LRRC37A2: variants seen among roughly 807,000 people sequenced by gnomAD.
LRRC37A2 encodes leucine rich repeat containing 37 member A2.
A neutral mutation model predicts 68.8 loss-of-function variants in LRRC37A2; 9 were observed. The observed-to-expected ratio is 0.13, with a 90% CI of 0.08 to 0.23. LRRC37A2 has a LOEUF of 0.23. Ranked by LOEUF, LRRC37A2 falls within the 10% of genes least tolerant of loss-of-function variation. The pLI is 1.00. For missense variants in LRRC37A2, 168 were observed against 950.4 expected, an observed-to-expected ratio of 0.18 and a Z score of 10.82; for synonymous variants, 63 against 367.6, an observed-to-expected ratio of 0.17 and a Z score of 9.48.
chr17:46,500,660 C>A, the LRRC37A2 span, among the ~76,000 whole-genome samples: 2 of 151,146 alleles, frequency 1.3e-5, no homozygotes, highest in Non-Finnish European at 1.5e-5. Context: ...GTGATAATAG[C>A]AAATCCCTTG....
At chr17:46,756,607 TTAAAG>T in the LRRC37A2 span, 2 of 152,768 alleles carry the variant, frequency 1.3e-5, no homozygotes, top group African/African-American at 4.8e-5. Context: ...AAAGGAGTTA[TTAAAG>T]TAATTTACAA....
chr17:46,936,861 A>G, the LRRC37A2 span: 1 of 981,016 alleles, frequency 1.0e-6, no homozygotes, highest in Non-Finnish European at 1.2e-6. Flanking sequence ...GAGGCTTCTT[A>G]ATTGCTTTCT....
At chr17:46,763,847 C>CAAAA in the LRRC37A2 span, 1 of 112,354 alleles carries the variant, frequency 8.9e-6, no homozygotes, top group African/African-American at 3.3e-5. Context: ...AAAAAAAAAA[C>CAAAA]AAAAAAACAA....
the LRRC37A2 span, among the ~76,000 whole-genome samples, chr17:46,836,173 C>G: frequency 6.7e-6 from 1 of 148,610 alleles, no homozygotes; most frequent in Non-Finnish European, 1.5e-5. Flanking sequence ...AATAACACCT[C>G]ACCACAGATC....
the LRRC37A2 span, among the ~76,000 whole-genome samples, chr17:46,747,939 C>T: frequency 6.6e-6 from 1 of 152,000 alleles, no homozygotes; most frequent in Non-Finnish European, 1.5e-5. Flanking sequence ...AAAGAACCAT[C>T]TTAGGATATG....
At chr17:47,041,452 CTTTTT>C in the LRRC37A2 span, among the ~76,000 whole-genome samples, 110 of 36,452 alleles carry the variant, frequency 3.0e-3, no homozygotes, top group South Asian at 0.03. Flanking sequence ...TTGGATGTCT[CTTTTT>C]TTTTTTTTTT....
chr17:46,602,569 C>T, the LRRC37A2 span: 1 of 51,394 alleles, frequency 1.9e-5, no homozygotes, highest in East Asian at 5.1e-4. Context: ...TTTTTAAAAT[C>T]ACCACATAAT....
chr17:46,883,173 G>A, the LRRC37A2 span, among the ~76,000 whole-genome samples: 44,803 of 151,584 alleles, frequency 0.3, 6,651 homozygotes, highest in Middle Eastern at 0.33. Context: ...TAGTAGAGAC[G>A]GGGTTTCACC....
the LRRC37A2 span, among the ~76,000 whole-genome samples, chr17:46,889,237 G>A: frequency 6.6e-6 from 1 of 152,120 alleles, no homozygotes; most frequent in South Asian, 2.1e-4. Context: ...GCAGGATGGG[G>A]AGGCAATGAA....
the LRRC37A2 span, chr17:46,722,176 C>T: frequency 6.2e-7 from 1 of 1,610,836 alleles, no homozygotes; most frequent in Non-Finnish European, 8.5e-7. Context: ...ATGGCTTTCT[C>T]CTGGGAGAAC....
the LRRC37A2 span, among the ~76,000 whole-genome samples, chr17:46,894,465 G>C: frequency 1.3e-5 from 2 of 152,234 alleles, no homozygotes; most frequent in Non-Finnish European, 2.9e-5. Context: ...CCCTAAGACA[G>C]GTGCCAGGAA....
chr17:46,903,824 G>T, the LRRC37A2 span, among the ~76,000 whole-genome samples: 1 of 150,336 alleles, frequency 6.7e-6, no homozygotes, highest in Non-Finnish European at 1.5e-5. Flanking sequence ...TAGATGGGTG[G>T]GTGGGTAGAT....
the LRRC37A2 span, among the ~76,000 whole-genome samples, chr17:46,955,139 A>G: frequency 6.6e-6 from 1 of 151,844 alleles, no homozygotes; most frequent in Non-Finnish European, 1.5e-5. Context: ...TCAGTATGAT[A>G]TTGGCTGTGG....
chr17:47,003,793 T>C, the LRRC37A2 span, among the ~76,000 whole-genome samples: 138,886 of 152,030 alleles, frequency 0.91, 63,866 homozygotes, highest in East Asian at 0.99. Context: ...CATATGTATA[T>C]ATGTGCCATG....
chr17:46,793,859 G>A, the LRRC37A2 span, among the ~76,000 whole-genome samples: 1 of 152,186 alleles, frequency 6.6e-6, no homozygotes, highest in East Asian at 1.9e-4. Context: ...ATTGCCATCG[G>A]CCAGGAAGTG....
chr17:46,763,037 T>C, the LRRC37A2 span: 2 of 152,172 alleles, frequency 1.3e-5, no homozygotes, highest in Non-Finnish European at 2.9e-5. Context: ...TGTGTATCTT[T>C]AGCAGGGCTT....
chr17:46,873,371 A>G, the LRRC37A2 span, among the ~76,000 whole-genome samples: 361 of 152,238 alleles, frequency 2.4e-3, no homozygotes, highest in African/African-American at 7.7e-3. Flanking sequence ...CTGGAGGTTC[A>G]GAGCTGAACC....
At chr17:46,557,989 G>T (rs1425555469), downstream of LRRC37A2, among the ~76,000 whole-genome samples, 3 of 134,392 alleles carry the variant, frequency 2.2e-5, no homozygotes, top group African/African-American at 5.7e-5. Context: ...TATAGTATTG[G>T]AGAAAACTTA....
chr17:47,034,591 T>C, the LRRC37A2 span, among the ~76,000 whole-genome samples: 2 of 152,190 alleles, frequency 1.3e-5, no homozygotes, highest in East Asian at 3.9e-4. Context: ...TTTTGGTGTT[T>C]AGAAAAAAAT....
Sources: gnomAD v4.1 joint callset for allele counts (sites outside exome capture counted in the v4.1 genomes callset) on GRCh38, gnomAD v4.1.1 for gene constraint, MANE v1.5 for transcripts, NCBI Gene and HGNC (gene_info 2026-07-23, HGNC 2026-07-21) for gene names.